The following CD79B variants were observed in gnomAD, a reference collection of about 807,000 sequenced individuals.
The protein encoded by CD79B is B-cell antigen receptor complex-associated protein beta chain.
A neutral mutation model predicts 30.0 loss-of-function variants in CD79B; 7 were observed. The ratio of observed to expected loss-of-function variants is 0.23; its 90% CI spans 0.13 to 0.44. The LOEUF (loss-of-function observed/expected upper bound fraction) is 0.44, where lower values mean the gene tolerates loss of function less well. Ranked by LOEUF, CD79B falls within the 20% of genes least tolerant of loss-of-function variation. The pLI is 1.00. For missense variants in CD79B, 218 were observed against 299.1 expected (o/e 0.73, Z 2.00); for synonymous variants, 118 against 119.2 (o/e 0.99, Z 0.07).
chr17:63,929,171 G>A lies in CD79B; in HGVS notation c.*55C>T, dbSNP rs918418164. ...GTTGGGCCATGAGCCAGGCAGCTCC[G>A]AAGCAGTCACTGAGGCCAGGGAGCC... On this transcript the variant is annotated 3_prime_UTR_variant, in exon 6 of 6. Coordinates refer to ENST00000006750, the MANE Select transcript of CD79B (RefSeq NM_000626.4). The A allele has an allele frequency of 4.9e-6, 6 of 1,217,122 alleles. No individual in the cohort carries two copies. Among genetic ancestry groups the A allele is most frequent in the Admixed American group, 1.7e-5 (1 of 59,482 alleles). The allele number at this position is 1,217,122 out of a possible 1,614,324, so 75.4% of individuals were successfully genotyped here. A position where few individuals can be genotyped will look rare whatever the true frequency, so the allele number is the denominator to read the frequency against.
intron 5 of CD79B, 23 bp downstream of exon 5, chr17:63,929,411 G>A (rs1247706992): frequency 3.1e-6 from 5 of 1,613,626 alleles, no homozygotes; most frequent in Non-Finnish European, 4.2e-6. Flanking sequence ...ACTCAGAGCT[G>A]CTGGGCCTGC....
intron 1 of CD79B, 25 bp downstream of exon 1, chr17:63,932,170 A>G: frequency 6.2e-7 from 1 of 1,608,420 alleles, no homozygotes; most frequent in Non-Finnish European, 8.5e-7. Flanking sequence ...AGCAAACCCC[A>G]CAGGCCTCGT....
At chr17:63,931,416 G>A (rs1425737597) in intron 1 of CD79B, 31 bp from the exon 2 acceptor site, 1 of 1,611,920 alleles carries the variant, frequency 6.2e-7, no homozygotes, top group South Asian at 1.1e-5. Flanking sequence ...GGCGGGGCCA[G>A]TCAGGGCCTC....
At chr17:63,929,710 C>G in intron 4 of CD79B, 60 bp downstream of exon 4, 1 of 1,244,690 alleles carries the variant, frequency 8.0e-7, no homozygotes, top group Non-Finnish European at 1.2e-6. Context: ...CCTGCATATG[C>G]CTGGCCTATG....
intron 2 of CD79B, 83 bp downstream of exon 2, chr17:63,931,252 G>GC: frequency 7.0e-7 from 1 of 1,421,320 alleles, no homozygotes; most frequent in Non-Finnish European, 9.9e-7. Context: ...AAGGCGGACC[G>GC]CCCCCAGGAC....
chr17:63,929,624 G>T, intron 4 of CD79B, 146 bp downstream of exon 4: 2 of 982,508 alleles, frequency 2.0e-6, no homozygotes, highest in Non-Finnish European at 3.2e-6. Context: ...AAGGAAGGAA[G>T]GAATGATTGA....
Position 63,932,251 on chromosome 17 carries a change from A to G in CD79B, c.11T>C (p.Leu4Pro), listed in dbSNP as rs769850543. 6.2e-7 allele frequency: 1 copy of G among 1,612,834 alleles called. No homozygotes were observed. Among genetic ancestry groups the G allele is most frequent in the Non-Finnish European group, 8.5e-7 (1 of 1,180,002 alleles). Residue 4 changes from leucine (L) to proline (P), a missense_variant, in exon 1 of 6, where the codon CTG becomes CCG. Coordinates refer to ENST00000006750, the MANE Select transcript of CD79B (RefSeq NM_000626.4). MAR[L>P]ALSPVPSHWM... is the part of the protein sequence containing the mutation. ...GTGGCTGGGCACAGGAGACAACGCCAGCCTGGCCATGGTCACCGCTCTGTC... is the reference window on the plus strand; with the variant it reads ...GTGGCTGGGCACAGGAGACAACGCCGGCCTGGCCATGGTCACCGCTCTGTC...
Position 63,928,907 on chromosome 17 carries a change from G to A in CD79B, c.*319C>T. ...TCTGCTGGGAGGCCCTCGGCTCCGA[G>A]TCCATTTGCGGGCTCTGGACCAGTC... On this transcript the variant is annotated 3_prime_UTR_variant, in exon 6 of 6. Transcript: ENST00000006750. The A allele has an allele frequency of 2.1e-6, 1 of 470,624 alleles. No homozygotes were observed. Among genetic ancestry groups the A allele is most frequent in the Admixed American group, 3.4e-5 (1 of 29,626 alleles). 29.2% of individuals were successfully genotyped at this position (470,624 alleles called of 1,614,324 possible).
intron 2 of CD79B, chr17:63,930,592 T>G: frequency 3.3e-6 from 2 of 612,106 alleles, no homozygotes; most frequent in East Asian, 2.8e-5. Flanking sequence ...GGCCAAGCTC[T>G]CAGACTCCAC....
At chr17:63,930,418 C>CT (rs1908055975) in intron 2 of CD79B, 33 bp from the exon 3 acceptor site, 1 of 1,600,676 alleles carries the variant, frequency 6.2e-7, no homozygotes, top group African/African-American at 1.3e-5. Context: ...CAGCATTCCG[C>CT]TTGGCATCTT....
intron 4 of CD79B, 23 bp downstream of exon 4, chr17:63,929,747 G>A (rs756600865): frequency 3.2e-6 from 5 of 1,554,374 alleles, no homozygotes; most frequent in South Asian, 1.1e-5. Flanking sequence ...GGTCCCCCAA[G>A]GCTTCCCCCG....
At chr17:63,931,472 G>T in intron 1 of CD79B, 87 bp from the exon 2 acceptor site, 1 of 1,301,182 alleles carries the variant, frequency 7.7e-7, no homozygotes. Context: ...TATGTTCCCG[G>T]AGCTACTTCC....
intron 1 of CD79B, 145 bp downstream of exon 1, chr17:63,932,048 ACC>A (rs1158097898): frequency 1.3e-6 from 1 of 771,824 alleles, no homozygotes; most frequent in African/African-American, 1.7e-5. Context: ...ACACCCACAG[ACC>A]CAGGCCCCAG....
Position 63,930,296 on chromosome 17 carries a change from C to A in CD79B, c.208G>T (p.Ala70Ser). 1 of 1,614,206 alleles carries A rather than the reference C, an allele frequency of 6.2e-7. No homozygotes were observed. The highest frequency in any genetic ancestry group is 1.1e-5 in the South Asian group (1 of 91,090). Residue 70 changes from alanine to serine, a missense_variant, in exon 3 of 6, where the codon GCC becomes TCC. Physicochemically the swap from Ala to Ser is moderately conservative, Grantham distance 99. Coordinates refer to ENST00000006750, the MANE Select transcript of CD79B (RefSeq NM_000626.4). Reference sequence around the variant, plus strand: ...CAGAGCCAGCTCACATTGCCGGAGGCGCTGTTCATGTAGCAGTGCATTTTC... The same window carrying A: ...CAGAGCCAGCTCACATTGCCGGAGGAGCTGTTCATGTAGCAGTGCATTTTC... Reference protein sequence around the residue: ...TVKMHCYMNSASGNVSWLWKQ... With the variant: ...TVKMHCYMNSSSGNVSWLWKQ...
At chr17:63,930,544 C>T in intron 2 of CD79B, 159 bp from the exon 3 acceptor site, 1 of 695,266 alleles carries the variant, frequency 1.4e-6, no homozygotes, top group African/African-American at 1.8e-5. Context: ...AGTTGGGAAG[C>T]AGAGCCACGT....
rs1908176149 is a variant in CD79B, at chr17:63,932,212, A to G, written c.50T>C (p.Leu17Ser). The G allele has an allele frequency of 6.2e-7, 1 of 1,613,176 alleles. No individual in the cohort carries two copies. Among genetic ancestry groups the G allele is most frequent in the South Asian group, 1.1e-5 (1 of 91,086 alleles). ...TTCTGTACCTGAGAGCAGCAGCAGCAACGCCACCATCCAGTGGCTGGGCAC... is the reference window on the plus strand; with the variant it reads ...TTCTGTACCTGAGAGCAGCAGCAGCGACGCCACCATCCAGTGGCTGGGCAC... The part of the protein sequence containing the change: ...SPVPSHWMVA[L>S]LLLLSAEPVP... Residue 17 changes from leucine (L) to serine (S), a missense_variant, in exon 1 of 6, where the codon TTG becomes TCG. By Grantham distance (145) the Leu-to-Ser change is moderately radical. Coordinates refer to ENST00000006750, the MANE Select transcript of CD79B (RefSeq NM_000626.4).
At position 63,929,857 on chromosome 17, in the gene CD79B, C is replaced by T. The variant is rs1474446822; in HGVS notation, c.462G>A (p.Arg154=). 1 of 1,613,586 alleles carries T rather than the reference C, an allele frequency of 6.2e-7. No individual in the cohort carries two copies. The highest frequency in any genetic ancestry group is 8.5e-7 in the Non-Finnish European group (1 of 1,179,822). ...TGATGATACCATCCTTCAGCGTGTT[C>T]CTCTGCTTCAGCTGTGCCAAGGTGC... ...GFSTLAQLKQ[R]NTLKDGIIMI... is the part of the protein sequence containing the mutation. Residue 154 remains arginine, a synonymous_variant, in exon 4 of 6, where the codon AGG becomes AGA. Transcript: ENST00000006750.
At chr17:63,932,159 G>C in intron 1 of CD79B, 36 bp downstream of exon 1, 1 of 1,595,318 alleles carries the variant, frequency 6.3e-7, no homozygotes, top group Non-Finnish European at 8.6e-7. Flanking sequence ...CTGGAGATGA[G>C]AGCAAACCCC....
chr17:63,931,514 G>A (rs1319167466), intron 1 of CD79B, 129 bp from the exon 2 acceptor site: 8 of 814,508 alleles, frequency 9.8e-6, no homozygotes, highest in Admixed American at 4.1e-5. Context: ...AAGACCCCTC[G>A]GTCCTCCCTG....
Sources: allele counts gnomAD v4.1 joint callset, GRCh38; gene constraint gnomAD v4.1.1; transcripts MANE v1.5; gene names NCBI Gene and HGNC (gene_info 2026-07-23, HGNC 2026-07-21).